Variants in PIAS2 observed in about 807,000 individuals in gnomAD.
The protein encoded by PIAS2 is E3 SUMO-protein ligase PIAS2.
PIAS2 carries 19 observed loss-of-function variants against 69.7 expected under a neutral mutation model. The ratio of observed to expected loss-of-function variants is 0.27; its 90% CI spans 0.19 to 0.40. PIAS2 has a LOEUF of 0.40. Among genes scored for constraint, PIAS2 ranks in the 10% least tolerant of loss-of-function variants. The pLI, the probability that PIAS2 is intolerant of heterozygous loss-of-function variation, is 1.00. For synonymous variants in PIAS2, 261 were observed against 263.2 expected (o/e 0.99, Z 0.08); for missense variants, 624 against 757.0 (o/e 0.82, Z 2.06).
chr18:46,862,799 G>A (rs1446288426), intron 3 of PIAS2, among the ~76,000 whole-genome samples: 1 of 151,998 alleles, frequency 6.6e-6, no homozygotes, highest in East Asian at 1.9e-4. Flanking sequence ...TCTGCCTCCT[G>A]GGTTAATGTG....
chr18:46,833,392 G>C (rs2043965741), intron 9 of PIAS2, among the ~76,000 whole-genome samples: 1 of 152,166 alleles, frequency 6.6e-6, no homozygotes, highest in Non-Finnish European at 1.5e-5. Flanking sequence ...CTGAGAGGGA[G>C]AGATTGAAAA....
chr18:46,816,158 G>C (rs1469192677), intron 12 of PIAS2: 1 of 985,044 alleles, frequency 1.0e-6, no homozygotes, highest in Non-Finnish European at 1.2e-6. Context: ...AGGTCATTAA[G>C]ACAGGCCAAT....
intron 3 of PIAS2, among the ~76,000 whole-genome samples, chr18:46,856,060 C>T (rs1357332421): frequency 8.3e-6 from 1 of 119,982 alleles, no homozygotes; most frequent in Admixed American, 1.2e-4. Flanking sequence ...GGCTGGAGTG[C>T]AGTGGCGCGA....
intron 1 of PIAS2, among the ~76,000 whole-genome samples, chr18:46,908,761 C>A (rs955599315): frequency 1.3e-5 from 2 of 152,184 alleles, no homozygotes; most frequent in Non-Finnish European, 2.9e-5. Context: ...ATAATCCCAG[C>A]ACTTTGGGAG....
intron 2 of PIAS2, among the ~76,000 whole-genome samples, chr18:46,880,263 T>G (rs577872735): frequency 6.6e-6 from 1 of 152,202 alleles, no homozygotes; most frequent in African/African-American, 2.4e-5. Context: ...CTGGGCATGG[T>G]GGTGCACACC....
At chr18:46,871,681 C>A (rs12454431) in intron 2 of PIAS2, among the ~76,000 whole-genome samples, 9 of 152,094 alleles carry the variant, frequency 5.9e-5, no homozygotes, top group African/African-American at 1.9e-4. Context: ...TTTCCCTTTA[C>A]CTAATGTCCC....
Position 46,917,440 on chromosome 18 carries a change from G to T in PIAS2, c.-95C>A. 7.9e-7 allele frequency: 1 copy of T among 1,263,454 alleles called. No homozygotes were observed. The highest frequency in any genetic ancestry group is 1.0e-6 in the Non-Finnish European group (1 of 1,001,560). The allele number at this position is 1,263,454 out of a possible 1,614,324, so 78.3% of individuals were successfully genotyped here. A position where few individuals can be genotyped will look rare whatever the true frequency, so the allele number is the denominator to read the frequency against. ...GCCACCACGGCCGCCGCCGCCTCCA[G>T]CACCATCCTGCACTGGGCGCCGCTT... is the stretch of plus-strand genomic sequence containing the variant. On this transcript the variant is annotated 5_prime_UTR_variant, in exon 1 of 14. The change creates a new upstream start codon in the 5' untranslated region. Coordinates refer to ENST00000585916, the MANE Select transcript of PIAS2 (RefSeq NM_004671.5).
At chr18:46,867,095 T>C (rs1455428986) in intron 2 of PIAS2, among the ~76,000 whole-genome samples, 2 of 152,196 alleles carry the variant, frequency 1.3e-5, no homozygotes, top group African/African-American at 2.4e-5. Context: ...ACGCAATATA[T>C]ATGTACAATT....
intron 8 of PIAS2, among the ~76,000 whole-genome samples, chr18:46,841,601 A>C (rs2045395321): frequency 6.6e-6 from 1 of 152,214 alleles, no homozygotes; most frequent in East Asian, 1.9e-4. Context: ...CACATATTAC[A>C]GTTTAGCTAC....
chr18:46,836,567 T>C, intron 8 of PIAS2, 50 bp from the exon 9 acceptor site: 1 of 1,420,452 alleles, frequency 7.0e-7, no homozygotes, highest in South Asian at 1.3e-5. Flanking sequence ...GAGAATGAGC[T>C]CAGAGGGAAC....
chr18:46,913,609 AG>A (rs1158393130), intron 1 of PIAS2, among the ~76,000 whole-genome samples: 3 of 151,774 alleles, frequency 2.0e-5, no homozygotes, highest in Non-Finnish European at 4.4e-5. Context: ...CTCCCCATTG[AG>A]TGATGAGAAG....
chr18:46,888,597 T>C (rs991469657), intron 2 of PIAS2, among the ~76,000 whole-genome samples: 5 of 152,094 alleles, frequency 3.3e-5, no homozygotes, highest in African/African-American at 1.2e-4. Flanking sequence ...CAGGACCAGT[T>C]TCATGGCAGA....
At chr18:46,880,783 A>AT (rs2052105641) in intron 2 of PIAS2, among the ~76,000 whole-genome samples, 1 of 152,228 alleles carries the variant, frequency 6.6e-6, no homozygotes, top group Non-Finnish European at 1.5e-5. Context: ...AAACTAGCTC[A>AT]TTTTTGATAA....
intron 1 of PIAS2, among the ~76,000 whole-genome samples, chr18:46,915,950 T>C (rs73957811): frequency 7.4e-4 from 112 of 152,288 alleles, no homozygotes; most frequent in African/African-American, 2.6e-3. Flanking sequence ...GGGTTCGTTG[T>C]TTGAAAAGCT....
intron 2 of PIAS2, among the ~76,000 whole-genome samples, chr18:46,879,962 TAG>T (rs1568689026): frequency 1.3e-5 from 2 of 152,004 alleles, no homozygotes; most frequent in African/African-American, 2.4e-5. Flanking sequence ...TAAATGCATA[TAG>T]AGTTTCAGTT....
intron 2 of PIAS2, among the ~76,000 whole-genome samples, chr18:46,872,291 T>A (rs955155720): frequency 1.3e-5 from 2 of 152,216 alleles, no homozygotes; most frequent in Non-Finnish European, 2.9e-5. Context: ...TGGTTTACAG[T>A]GATAGACTTA....
intron 3 of PIAS2, among the ~76,000 whole-genome samples, chr18:46,862,882 T>C (rs1419605874): frequency 6.6e-6 from 1 of 152,088 alleles, no homozygotes; most frequent in Non-Finnish European, 1.5e-5. Context: ...ATTTGTTGTA[T>C]TTTTAGTAGA....
chr18:46,903,552 G>C (rs1296243765), intron 1 of PIAS2: 1 of 152,098 alleles, frequency 6.6e-6, no homozygotes, highest in African/African-American at 2.4e-5. Flanking sequence ...GAAAAACACT[G>C]ATAACACCAA....
chr18:46,815,603 G>A, intron 12 of PIAS2: 2 of 1,137,452 alleles, frequency 1.8e-6, no homozygotes, highest in Non-Finnish European at 2.2e-6. Context: ...TTCCAGTGAA[G>A]GACTAGTCAA....
Sources: gnomAD v4.1 joint callset for allele counts (sites outside exome capture counted in the v4.1 genomes callset) on GRCh38, gnomAD v4.1.1 for gene constraint, MANE v1.5 for transcripts, NCBI Gene and HGNC (gene_info 2026-07-23, HGNC 2026-07-21) for gene names.